The following GRM7 variants were observed in gnomAD, a reference collection of about 807,000 sequenced individuals.
The protein encoded by GRM7 is glutamate metabotropic receptor 7, also known as metabotropic glutamate receptor 7.
In GRM7, 35 loss-of-function variants were observed where a neutral mutation model predicts 84.5. The observed-to-expected ratio is 0.41, with a 90% CI of 0.32 to 0.55. The LOEUF is 0.55. Ranked by LOEUF, GRM7 falls within the 20% of genes least tolerant of loss-of-function variation. The pLI is 0.19. For missense variants in GRM7, 1,003 were observed against 1,194.6 expected (o/e 0.84, Z 2.36); for synonymous variants, 487 against 455.1 (o/e 1.07, Z -0.89).
intron 1 of GRM7, among the ~76,000 whole-genome samples, chr3:7,094,980 A>G (rs1221607712): frequency 6.7e-6 from 1 of 148,510 alleles, no homozygotes; most frequent in Non-Finnish European, 1.5e-5. Flanking sequence ...GGGCTGATAG[A>G]CTTTTTTTTT....
At position 6,956,847 on chromosome 3, in the gene GRM7, A is replaced by G. The variant is rs541484142; in HGVS notation, c.519+94940A>G. 5.9e-5 allele frequency among the ~76,000 whole-genome samples: 9 copies of G among 152,328 alleles called. 2 individuals carry two copies. The South Asian group carries it at 1.9e-3, about 32-fold the overall frequency. On this transcript the variant is annotated intron_variant, in intron 1 of 9. Coordinates refer to ENST00000357716, the MANE Select transcript of GRM7 (RefSeq NM_000844.4). ...GGCTAATCTTTAAAGGCAGTCATTGATTGTATTTTAAATTACAATTTACAA... is the reference window on the plus strand; with the variant it reads ...GGCTAATCTTTAAAGGCAGTCATTGGTTGTATTTTAAATTACAATTTACAA...
At chr3:7,503,143 C>T (rs906113172) in intron 7 of GRM7, among the ~76,000 whole-genome samples, 32 of 152,164 alleles carry the variant, frequency 2.1e-4, no homozygotes, top group Admixed American at 2.6e-4. Flanking sequence ...TGATTGCTTC[C>T]CCAGCAGCAA....
chr3:6,973,375 T>C (rs1559361100), intron 1 of GRM7, among the ~76,000 whole-genome samples: 1 of 152,152 alleles, frequency 6.6e-6, no homozygotes, highest in Non-Finnish European at 1.5e-5. Flanking sequence ...ATAATTGGCA[T>C]CCCTATTTAC....
At chr3:7,103,118 T>C (rs1699169763) in intron 1 of GRM7, among the ~76,000 whole-genome samples, 1 of 151,892 alleles carries the variant, frequency 6.6e-6, no homozygotes. Context: ...TATTTTATTA[T>C]GTTAAAAACT....
intron 9 of GRM7, among the ~76,000 whole-genome samples, chr3:7,730,985 C>A (rs1702309038): frequency 1.3e-5 from 2 of 152,090 alleles, no homozygotes; most frequent in South Asian, 4.1e-4. Context: ...TGTTTTAAGA[C>A]AGAGACTTTG....
At chr3:7,582,998 A>G (rs1575522425) in intron 8 of GRM7, among the ~76,000 whole-genome samples, 1 of 152,208 alleles carries the variant, frequency 6.6e-6, no homozygotes, top group East Asian at 1.9e-4. Flanking sequence ...TCCTGTAAAT[A>G]TTTACTTGAT....
chr3:7,433,268 T>C (rs554676537), intron 5 of GRM7, among the ~76,000 whole-genome samples: 2 of 152,312 alleles, frequency 1.3e-5, no homozygotes, highest in African/African-American at 4.8e-5. Flanking sequence ...ATGGAAAACA[T>C]TGTGTTTGCA....
In GRM7 at chr3:6,972,191, A is replaced by G. The variant is rs138862048; in HGVS notation, c.519+110284A>G. On this transcript the variant is annotated intron_variant, in intron 1 of 9. Transcript: ENST00000357716. ...TTGTGTTGTGGCATTTTCTCACTTC[A>G]TTGACGTCAGAACACACAGTGCCAT... Among the ~76,000 whole-genome samples, 573 of 152,250 alleles carry G rather than the reference A, an allele frequency of 3.8e-3. 3 individuals are homozygous for G. The highest frequency in any genetic ancestry group is 0.013 in the African/African-American group (541 of 41,530).
chr3:7,344,331 G>A (rs1004114617), intron 4 of GRM7, among the ~76,000 whole-genome samples: 1 of 152,122 alleles, frequency 6.6e-6, no homozygotes, highest in African/African-American at 2.4e-5. Flanking sequence ...ACTTATAAGT[G>A]AGAACATGCA....
In GRM7 at chr3:7,520,596, T is replaced by A. The variant is rs145412680; in HGVS notation, c.1516-57826T>A. Among the ~76,000 whole-genome samples, 98 of 152,254 alleles carry A rather than the reference T, an allele frequency of 6.4e-4. 1 individual carries two copies. Among genetic ancestry groups the A allele is most frequent in the African/African-American group, 2.3e-3 (94 of 41,546 alleles). On this transcript the variant is annotated intron_variant, in intron 7 of 9. Coordinates refer to ENST00000357716, the MANE Select transcript of GRM7 (RefSeq NM_000844.4). ...AACTCAGAACTGACTCTAACACAAG[T>A]TCACATTCTACTATTTATTTCCCTT...
chr3:7,012,485 T>G (rs762246811), intron 1 of GRM7, among the ~76,000 whole-genome samples: 41 of 152,130 alleles, frequency 2.7e-4, no homozygotes, highest in Admixed American at 7.9e-4. Context: ...CATTGACATA[T>G]TTAATATTTT....
intron 7 of GRM7, among the ~76,000 whole-genome samples, chr3:7,479,033 C>T (rs1407083168): frequency 6.6e-6 from 1 of 151,828 alleles, no homozygotes; most frequent in Non-Finnish European, 1.5e-5. Flanking sequence ...TTGGAAGTCT[C>T]TGGACCTCAG....
chr3:6,970,059 A>C (rs1168137146), intron 1 of GRM7, among the ~76,000 whole-genome samples: 1 of 152,204 alleles, frequency 6.6e-6, no homozygotes, highest in Non-Finnish European at 1.5e-5. Context: ...CACTAAGTGA[A>C]CTGGGCCAGA....
At chr3:7,461,133 C>G (rs1434920811) in intron 6 of GRM7, among the ~76,000 whole-genome samples, 1 of 152,144 alleles carries the variant, frequency 6.6e-6, no homozygotes. Flanking sequence ...TTCTTGTTTT[C>G]TAAATTGCAT....
At chr3:7,671,764 T>G (rs1699927352) in intron 8 of GRM7, among the ~76,000 whole-genome samples, 1 of 151,976 alleles carries the variant, frequency 6.6e-6, no homozygotes, top group East Asian at 1.9e-4. Context: ...CATCTAATAA[T>G]GACACTTGCA....
intron 7 of GRM7, among the ~76,000 whole-genome samples, chr3:7,558,352 G>A (rs372955339): frequency 1.1e-4 from 15 of 137,150 alleles, no homozygotes; most frequent in Admixed American, 5.2e-4. Context: ...ATATACTACG[G>A]TGAAATAAAA....
intron 7 of GRM7, among the ~76,000 whole-genome samples, chr3:7,488,794 A>G (rs1332313598): frequency 2.0e-5 from 3 of 152,110 alleles, no homozygotes; most frequent in Non-Finnish European, 1.5e-5. Context: ...TTGGTTGTCT[A>G]TTTCAGATGC....
intron 4 of GRM7, among the ~76,000 whole-genome samples, chr3:7,344,935 A>G (rs771451476): frequency 5.3e-5 from 8 of 152,342 alleles, no homozygotes; most frequent in Non-Finnish European, 8.8e-5. Flanking sequence ...AATGTTCCCT[A>G]TACAAATGTT....
chr3:7,471,301 CA>C (rs1177529881), intron 7 of GRM7, among the ~76,000 whole-genome samples: 1 of 152,048 alleles, frequency 6.6e-6, no homozygotes, highest in African/African-American at 2.4e-5. Flanking sequence ...ATAGGTCTCA[CA>C]GGACTAATAT....
Sources: allele counts gnomAD v4.1 joint callset (sites outside exome capture counted in the v4.1 genomes callset), GRCh38; gene constraint gnomAD v4.1.1; transcripts MANE v1.5; gene names NCBI Gene and HGNC (gene_info 2026-07-23, HGNC 2026-07-21).